The following ELSPBP1 variants were observed in gnomAD, a reference collection of about 807,000 sequenced individuals.
The protein encoded by ELSPBP1 is epididymal sperm-binding protein 1.
In ELSPBP1, 38 loss-of-function variants were observed where a neutral mutation model predicts 33.3. The ratio of observed to expected loss-of-function variants is 1.14; its 90% confidence interval spans 0.88 to 1.50. The LOEUF (loss-of-function observed/expected upper bound fraction) is 1.50. ELSPBP1 is among the 40% of genes most tolerant of loss of function. The pLI is 0.00. For missense variants in ELSPBP1, 267 were observed against 263.5 expected, an observed-to-expected ratio of 1.01 and a Z score of -0.09; for synonymous variants, 85 against 94.1, an observed-to-expected ratio of 0.90 and a Z score of 0.56.
At position 48,022,436 on chromosome 19, in the gene ELSPBP1, C is replaced by T. The variant is rs184801294; in HGVS notation, c.*7+102C>T. On this transcript the variant is annotated intron_variant, in intron 6 of 6. Transcript: ENST00000339841. ...CGAAGGCGAGATCTGCTTTTTCAAG[C>T]GTGTCTGATTAGCGTCGCTGATGTG... The T allele has an allele frequency of 1.3e-3, 1,486 of 1,102,774 alleles. 9 individuals carry two copies. Among genetic ancestry groups the T allele is most frequent in the Non-Finnish European group, 3.3e-4 (257 of 782,366 alleles). The allele number at this position is 1,102,774 out of a possible 1,614,324, so 68.3% of individuals were successfully genotyped here.
chr19:48,001,174 T>TC lies in ELSPBP1; in HGVS notation c.-18+6363_-18+6364insC, dbSNP rs1475187589. Among the ~76,000 whole-genome samples, 3 of 139,356 alleles carry TC rather than the reference T, an allele frequency of 2.2e-5. No individual in the cohort carries two copies. In the East Asian group the frequency reaches 6.9e-4, roughly 32 times the overall value. The allele number at this position is 139,356 out of a possible 152,430, so 91.4% of individuals were successfully genotyped here. On this transcript the variant is annotated intron_variant, in intron 1 of 6. Coordinates refer to ENST00000339841, the MANE Select transcript of ELSPBP1 (RefSeq NM_022142.5). ...TTTCTGACTCTCCTGCCTCTCTCTC[T>TC]GTTTTTTTTTTTTTTGACACAGAGT...
intron 4 of ELSPBP1, among the ~76,000 whole-genome samples, chr19:48,018,506 T>C (rs748758171): frequency 6.6e-6 from 1 of 152,212 alleles, no homozygotes. Context: ...GTAATAATTA[T>C]CATAACATAA....
intron 1 of ELSPBP1, among the ~76,000 whole-genome samples, chr19:47,996,258 C>T (rs10416472): frequency 0.4 from 60,331 of 151,712 alleles, 12,106 homozygotes; most frequent in Middle Eastern, 0.46. Flanking sequence ...GATGAATAAA[C>T]TGAAGGATGG....
Position 48,008,761 on chromosome 19 carries a change from G to A in ELSPBP1, c.70+24G>A, listed in dbSNP as rs1041665372. 6 of 1,598,648 alleles carry A rather than the reference G, an allele frequency of 3.8e-6. No homozygotes were observed. The African/African-American group carries it at 6.7e-5, about 18-fold the overall frequency. On this transcript the variant is annotated intron_variant, in intron 2 of 6. Coordinates refer to ENST00000339841, the MANE Select transcript of ELSPBP1 (RefSeq NM_022142.5). The stretch of plus-strand genomic sequence containing the variant: ...AGGTAAGGACACTCAAAGCAACAGG[G>A]AGGATTTAGAAGCTGGAGAAGAATG...
intron 1 of ELSPBP1, among the ~76,000 whole-genome samples, chr19:48,008,010 C>T (rs749575756): frequency 1.8e-4 from 27 of 152,174 alleles, no homozygotes; most frequent in Admixed American, 3.9e-4. Flanking sequence ...AGTTATGCAT[C>T]AGGAATACAG....
At chr19:48,003,591 C>A (rs1324117889) in intron 1 of ELSPBP1, among the ~76,000 whole-genome samples, 1 of 147,374 alleles carries the variant, frequency 6.8e-6, no homozygotes, top group Non-Finnish European at 1.5e-5. Context: ...GGCTGGAGTG[C>A]AGTGGCACGA....
chr19:48,018,724 A>G (rs182089866), intron 4 of ELSPBP1, among the ~76,000 whole-genome samples: 4 of 152,272 alleles, frequency 2.6e-5, no homozygotes, highest in Admixed American at 6.5e-5. Context: ...CTTAATCACC[A>G]GTCATTACTG....
chr19:48,022,126 A>G, intron 5 of ELSPBP1, 44 bp from the exon 6 acceptor site: 1 of 1,574,602 alleles, frequency 6.4e-7, no homozygotes, highest in East Asian at 2.3e-5. Context: ...CGACAGTGTG[A>G]AGCCTGAGGA....
chr19:47,996,865 G>A lies in ELSPBP1; in HGVS notation c.-18+2054G>A, dbSNP rs565976148. On this transcript the variant is annotated intron_variant, in intron 1 of 6. Coordinates refer to ENST00000339841, the MANE Select transcript of ELSPBP1 (RefSeq NM_022142.5). ...TTTGCTTAATTAATTAATTACTGCCGGTCTAGCATGGTGAATGAATGTTAT... is the reference window on the plus strand; with the variant it reads ...TTTGCTTAATTAATTAATTACTGCCAGTCTAGCATGGTGAATGAATGTTAT... Among the ~76,000 whole-genome samples the A allele has an allele frequency of 7.2e-5, 11 of 152,250 alleles. No individual in the cohort carries two copies. In the South Asian group the frequency reaches 2.3e-3, roughly 32 times the overall value.
intron 2 of ELSPBP1, 38 bp from the exon 3 acceptor site, chr19:48,014,133 A>G: frequency 6.2e-7 from 1 of 1,603,354 alleles, no homozygotes; most frequent in Non-Finnish European, 8.5e-7. Context: ...ATTCATCGTG[A>G]TTCTTCCCCA....
At position 48,007,241 on chromosome 19, in the gene ELSPBP1, C is replaced by T. The variant is rs552624009; in HGVS notation, c.-17-1410C>T. The stretch of plus-strand genomic sequence containing the variant: ...TTCTGCAGATGAGGAAACAAAGGCT[C>T]ATAGAGGGGAAGGGGTTTACGTTGC... On this transcript the variant is annotated intron_variant, in intron 1 of 6. Transcript: ENST00000339841. Among the ~76,000 whole-genome samples, 69 of 152,116 alleles carry T rather than the reference C, an allele frequency of 4.5e-4. 1 individual carries two copies. The highest frequency in any genetic ancestry group is 1.3e-4 in the Admixed American group (2 of 15,268).
intron 4 of ELSPBP1, among the ~76,000 whole-genome samples, chr19:48,016,844 C>T (rs149295096): frequency 0.012 from 1,754 of 152,158 alleles, 31 homozygotes; most frequent in African/African-American, 0.039. Flanking sequence ...GGTGATCCAT[C>T]CGCCTCGGCC....
chr19:47,998,670 C>T (rs1966936165), intron 1 of ELSPBP1, among the ~76,000 whole-genome samples: 3 of 151,730 alleles, frequency 2.0e-5, no homozygotes, highest in Non-Finnish European at 2.9e-5. Flanking sequence ...GCCTGTAGTC[C>T]CAGCTACGCG....
chr19:48,023,729 A>C (rs1424733199), intron 6 of ELSPBP1, among the ~76,000 whole-genome samples: 1 of 151,592 alleles, frequency 6.6e-6, no homozygotes, highest in Non-Finnish European at 1.5e-5. Flanking sequence ...AATGGGGTTT[A>C]TTTCTCTTCC....
intron 1 of ELSPBP1, among the ~76,000 whole-genome samples, chr19:48,005,502 A>G (rs1332638018): frequency 6.6e-6 from 1 of 152,154 alleles, no homozygotes; most frequent in Non-Finnish European, 1.5e-5. Context: ...GTGCAATTAA[A>G]TGAAGTAACA....
chr19:48,019,638 G>C, intron 4 of ELSPBP1, 81 bp from the exon 5 acceptor site: 2 of 1,401,512 alleles, frequency 1.4e-6, no homozygotes, highest in Non-Finnish European at 2.0e-6. Flanking sequence ...GGGATAAAGC[G>C]TGGCACAGTT....
At chr19:48,010,932 G>A (rs1178639585) in intron 2 of ELSPBP1, among the ~76,000 whole-genome samples, 1 of 152,178 alleles carries the variant, frequency 6.6e-6, no homozygotes, top group Non-Finnish European at 1.5e-5. Context: ...AGGGGCATCT[G>A]CCCTCTCCCT....
chr19:48,024,758 A>G (rs1223006012), intron 6 of ELSPBP1, among the ~76,000 whole-genome samples, 194 bp from the exon 7 acceptor site: 3 of 152,198 alleles, frequency 2.0e-5, no homozygotes, highest in South Asian at 2.1e-4. Context: ...GAGATTGAGG[A>G]GCTCATTGTT....
rs1430972534 is a variant in ELSPBP1, at chr19:48,014,188, G to A, written c.88G>A (p.Val30Ile). 1 of 1,613,762 alleles carries A rather than the reference G, an allele frequency of 6.2e-7. No homozygotes were observed. Among genetic ancestry groups the A allele is most frequent in the Admixed American group, 1.7e-5 (1 of 60,002 alleles). ...CCCTTCAGGGATGCATGAGGAATGT[G>A]TCTTTCCTTTCACCTACAAGGGATC... ...ESSGGMHEEC[V>I]FPFTYKGSVY... The change falls in exon 3 of 7, where the codon GTC (valine) becomes ATC (isoleucine). Residue 30 changes from valine (V) to isoleucine (I), a missense_variant. Transcript: ENST00000339841.
Sources: gnomAD v4.1 joint callset for allele counts (sites outside exome capture counted in the v4.1 genomes callset) on GRCh38, gnomAD v4.1.1 for gene constraint, MANE v1.5 for transcripts, NCBI Gene and HGNC (gene_info 2026-07-23, HGNC 2026-07-21) for gene names.